Variants in DACH2 observed in about 807,000 individuals in gnomAD.
The protein encoded by DACH2 is dachshund family transcription factor 2, also known as dachshund homolog 2.
In DACH2, 17 loss-of-function variants were observed where a neutral mutation model predicts 35.8. That is an observed-to-expected ratio of 0.48 (90% CI 0.33 to 0.71). DACH2 has a LOEUF of 0.71. Ranked by LOEUF, DACH2 falls within the 30% of genes least tolerant of loss-of-function variation. DACH2 has a pLI of 0.02. For missense variants in DACH2, 469 were observed against 472.7 expected, an observed-to-expected ratio of 0.99 and a Z score of 0.07; for synonymous variants, 195 against 177.3, an observed-to-expected ratio of 1.10 and a Z score of -0.79.
intron 1 of DACH2, among the ~76,000 whole-genome samples, chrX:86,214,919 G>C (rs2032534230): frequency 9.0e-6 from 1 of 111,143 alleles, no homozygotes; most frequent in African/African-American, 3.3e-5. Context: ...TTTTATTCAA[G>C]TTATTAGCAT....
At chrX:86,676,881 C>T (rs927152129) in intron 4 of DACH2, among the ~76,000 whole-genome samples, 64 of 111,088 alleles carry the variant, frequency 5.8e-4, no homozygotes, top group African/African-American at 2.0e-3. Flanking sequence ...CAAAGGCATC[C>T]ATCACCCCAC....
At chrX:86,308,774 G>A (rs2034740102) in intron 1 of DACH2, among the ~76,000 whole-genome samples, 1 of 111,711 alleles carries the variant, frequency 9.0e-6, no homozygotes. Context: ...GGGACTAGTG[G>A]ATACTGGCTC....
chrX:86,368,564 C>CT (rs11446638), intron 1 of DACH2, among the ~76,000 whole-genome samples: 2,826 of 84,306 alleles, frequency 0.034, 107 homozygotes, highest in African/African-American at 0.1. Flanking sequence ...CTTTCTTCTT[C>CT]TTTTTTTTTT....
intron 3 of DACH2, among the ~76,000 whole-genome samples, chrX:86,596,036 T>C (rs989392902): frequency 2.5e-4 from 28 of 111,705 alleles, no homozygotes; most frequent in Non-Finnish European, 9.4e-5. Context: ...GTACTTGGCA[T>C]CTTTCATATA....
At chrX:86,326,987 C>A (rs1327538160) in intron 1 of DACH2, among the ~76,000 whole-genome samples, 4 of 111,748 alleles carry the variant, frequency 3.6e-5, no homozygotes, top group Non-Finnish European at 5.6e-5. Flanking sequence ...AGATATTTTT[C>A]AAGAGTTGAC....
intron 3 of DACH2, among the ~76,000 whole-genome samples, chrX:86,644,759 T>C (rs187991977): frequency 3.1e-3 from 346 of 110,256 alleles, no homozygotes; most frequent in African/African-American, 0.011. Context: ...GAAATAACAG[T>C]GAATATCTAT....
intron 4 of DACH2, among the ~76,000 whole-genome samples, chrX:86,693,080 C>A (rs897037887): frequency 1.8e-5 from 2 of 112,486 alleles, no homozygotes; most frequent in African/African-American, 6.5e-5. Context: ...ACATGCTGTA[C>A]AACAGCCAAC....
At chrX:86,738,231 T>A in intron 6 of DACH2, among the ~76,000 whole-genome samples, 1 of 111,642 alleles carries the variant, frequency 9.0e-6, no homozygotes, top group Non-Finnish European at 1.9e-5. Flanking sequence ...GGAGTGGAGA[T>A]TTTAAGTTGG....
intron 3 of DACH2, among the ~76,000 whole-genome samples, chrX:86,565,322 A>T (rs1024168558): frequency 9.0e-6 from 1 of 111,212 alleles, no homozygotes; most frequent in Non-Finnish European, 1.9e-5. Context: ...ATTGCTGTTT[A>T]TTTCTATTAA....
chrX:86,692,759 G>T (rs1349170149), intron 4 of DACH2, among the ~76,000 whole-genome samples: 1 of 111,575 alleles, frequency 9.0e-6, no homozygotes, highest in Non-Finnish European at 1.9e-5. Flanking sequence ...TTACAGTTCT[G>T]CAATGGTGAG....
chrX:86,434,854 G>T (rs139814322), intron 2 of DACH2, among the ~76,000 whole-genome samples: 1 of 111,548 alleles, frequency 9.0e-6, no homozygotes, highest in South Asian at 3.8e-4. Flanking sequence ...AAGGCCTCAG[G>T]AAGCTTATAA....
intron 3 of DACH2, among the ~76,000 whole-genome samples, chrX:86,558,315 T>A (rs1321670657): frequency 2.3e-5 from 1 of 43,462 alleles, no homozygotes; most frequent in Admixed American, 2.1e-4. Context: ...GATAAGCTTT[T>A]TGATGTGCTG....
At chrX:86,359,719 A>C (rs1199078787) in intron 1 of DACH2, among the ~76,000 whole-genome samples, 1 of 109,567 alleles carries the variant, frequency 9.1e-6, no homozygotes, top group East Asian at 2.9e-4. Flanking sequence ...ACTATACTCC[A>C]GCCTTGTGAC....
intron 4 of DACH2, among the ~76,000 whole-genome samples, chrX:86,679,427 C>T (rs959499713): frequency 8.9e-6 from 1 of 111,807 alleles, no homozygotes; most frequent in Non-Finnish European, 1.9e-5. Context: ...ATACATATTG[C>T]TATTGTTGAC....
chrX:86,322,728 A>C (rs1462612720), intron 1 of DACH2, among the ~76,000 whole-genome samples: 1 of 112,083 alleles, frequency 8.9e-6, no homozygotes, highest in East Asian at 2.8e-4. Flanking sequence ...TACTGGACTG[A>C]GCTTTATACT....
intron 3 of DACH2, among the ~76,000 whole-genome samples, chrX:86,633,103 A>T (rs1252155427): frequency 9.0e-6 from 1 of 111,090 alleles, no homozygotes; most frequent in African/African-American, 3.3e-5. Flanking sequence ...ACAAACAAAA[A>T]CAGAGATTAG....
At position 86,651,185 on chromosome X, in the gene DACH2, T is replaced by C. The variant is rs1442467825; in HGVS notation, c.772+18T>C. On this transcript the variant is annotated intron_variant, in intron 4 of 11. Transcript: ENST00000373125. ...TAACACAGGTGAGTGTCTTCCAGAATCCCAGACCAATGACTCTTACTGTTC... is the reference window on the plus strand; with the variant it reads ...TAACACAGGTGAGTGTCTTCCAGAACCCCAGACCAATGACTCTTACTGTTC... 8.3e-7 allele frequency: 1 copy of C among 1,200,498 alleles called. No homozygotes were observed. Among genetic ancestry groups the C allele is most frequent in the Admixed American group, 2.2e-5 (1 of 44,909 alleles).
chrX:86,232,226 G>A (rs2032964150), intron 1 of DACH2, among the ~76,000 whole-genome samples: 1 of 111,533 alleles, frequency 9.0e-6, no homozygotes, highest in Non-Finnish European at 1.9e-5. Flanking sequence ...AGACTTAAAT[G>A]TAAAACCCAA....
chrX:86,289,113 G>A lies in DACH2; in HGVS notation c.489-87711G>A, dbSNP rs763442006. On this transcript the variant is annotated intron_variant, in intron 1 of 11. Coordinates refer to ENST00000373125, the MANE Select transcript of DACH2 (RefSeq NM_053281.3). ...GTTAGCAGGTGATGACTTCTTCCAG[G>A]TCTTGGTCATTCCCTTCAAGGCAGA... is the stretch of plus-strand genomic sequence containing the variant. Among the ~76,000 whole-genome samples, 3 of 109,258 alleles carry A rather than the reference G, an allele frequency of 2.7e-5. No homozygotes were observed. In the South Asian group the frequency reaches 1.2e-3, roughly 45 times the overall value. 94.9% of individuals were successfully genotyped at this position (109,258 alleles called of 115,157 possible).
Sources: gnomAD v4.1 joint callset for allele counts (sites outside exome capture counted in the v4.1 genomes callset) on GRCh38, gnomAD v4.1.1 for gene constraint, MANE v1.5 for transcripts, NCBI Gene and HGNC (gene_info 2026-07-23, HGNC 2026-07-21) for gene names.